Variants in IGFN1 observed in about 807,000 individuals in gnomAD.
The protein encoded by IGFN1 is immunoglobulin like and fibronectin type III domain containing 1.
A neutral mutation model predicts 289.5 loss-of-function variants in IGFN1; 253 were observed. The ratio of observed to expected loss-of-function variants is 0.87; its 90% CI spans 0.79 to 0.97. The LOEUF (loss-of-function observed/expected upper bound fraction) is 0.97. Among genes scored for constraint, IGFN1 ranks in the 50% least tolerant of loss-of-function variants. The pLI is 0.00. For synonymous variants in IGFN1, 1,706 were observed against 1,788.5 expected, an observed-to-expected ratio of 0.95 and a Z score of 1.16; for missense variants, 4,470 against 4,686.1, an observed-to-expected ratio of 0.95 and a Z score of 1.35.
chr1:201,206,469 G>C lies in IGFN1; in HGVS notation c.1576G>C (p.Gly526Arg). 6.4e-7 allele frequency: 1 copy of C among 1,551,288 alleles called. No homozygotes were observed. The highest frequency in any genetic ancestry group is 1.4e-5 in the African/African-American group (1 of 73,150). The change falls in exon 12 of 24, where the codon GGA (glycine) becomes CGA (arginine). Residue 526 changes from glycine (G) to arginine (R), a missense_variant. This residue lies in a region of IGFN1 where 2,011 missense variants were observed against 1,953.4 expected (regional missense o/e 1.03). Transcript: ENST00000335211. ...CCTTGCAGAGAGGCCCCATCTACAG[G>C]GAGAGAGCTCAGAATCAGGGTTGGG... ...RSLAERPHLQGESSESGLGLP... is the reference protein window; with the variant it reads ...RSLAERPHLQRESSESGLGLP...
Position 201,203,738 on chromosome 1 carries a change from G to A in IGFN1, c.748G>A (p.Asp250Asn), listed in dbSNP as rs780614796. 1 of 1,551,542 alleles carries A rather than the reference G, an allele frequency of 6.4e-7. No individual in the cohort carries two copies. Among genetic ancestry groups the A allele is most frequent in the South Asian group, 1.2e-5 (1 of 84,044 alleles). Residue 250 changes from aspartate to asparagine, a missense_variant and splice_region_variant, in exon 10 of 24, where the codon GAT becomes AAT. Physicochemically the swap from Asp to Asn is conservative, Grantham distance 23. Around this residue, in one of 8 missense-constraint regions of IGFN1, gnomAD observed 2,011 missense variants for 1,953.4 expected, o/e 1.03. Transcript: ENST00000335211. ...CCTCCTCTTCCTTTTCTGGCCTTAGGATGGTGAGATGATCCCCTATGGCTT... is the reference window on the plus strand; with the variant it reads ...CCTCCTCTTCCTTTTCTGGCCTTAGAATGGTGAGATGATCCCCTATGGCTT... ...DSQSKIYLYK[D>N]GEMIPYGFNN...
Position 201,211,021 on chromosome 1 carries a change from G to T in IGFN1, c.6128G>T (p.Arg2043Ile). The change falls in exon 12 of 24, where the codon AGA becomes ATA. Residue 2043 changes from arginine (R) to isoleucine (I), a missense_variant. Coordinates refer to ENST00000335211, the MANE Select transcript of IGFN1 (RefSeq NM_001164586.2). ...GYRKDLGAPE[R>I]IGSGSKAGFR... is the part of the protein sequence containing the mutation. ...AGGAAGGATTTGGGGGCTCCTGAGA[G>T]AATAGGTTCAGGAAGTAAGGCAGGT... 6.7e-7 allele frequency: 1 copy of T among 1,497,032 alleles called. No individual in the cohort carries two copies. Among genetic ancestry groups the T allele is most frequent in the Non-Finnish European group, 8.9e-7 (1 of 1,123,412 alleles). The allele number at this position is 1,497,032 out of a possible 1,614,324, so 92.7% of individuals were successfully genotyped here.
rs770772444 is a variant in IGFN1, at chr1:201,222,826, A to G, written c.10289A>G (p.Glu3430Gly). ...GDTVRVPVSFEAMPMPEVTWL... is the reference protein window; with the variant it reads ...GDTVRVPVSFGAMPMPEVTWL... ...ACAGTTCGTGTGCCCGTCTCCTTTG[A>G]AGTGAGTGTACCTGCAGGGGTGTGG... Residue 3430 changes from glutamate (E) to glycine (G), a missense_variant and splice_region_variant, in exon 20 of 24, where the codon GAA (glutamate) becomes GGA (glycine). Glu to Gly is a moderately conservative substitution (Grantham distance 98, BLOSUM62 -2). This residue lies in a region of IGFN1 where 2,218 missense variants were observed against 2,114.1 expected (regional missense o/e 1.05). Transcript: ENST00000335211. The G allele has an allele frequency of 1.2e-6, 2 of 1,610,426 alleles. No individual in the cohort carries two copies. Among genetic ancestry groups the G allele is most frequent in the South Asian group, 2.2e-5 (2 of 90,620 alleles).
chr1:201,208,099 G>A lies in IGFN1; in HGVS notation c.3206G>A (p.Gly1069Glu). ...TGCCAGGCAGGCATGGACCCTAGGGGAGGGCACCATTCAGATGGTGGCCTA... is the reference window on the plus strand; with the variant it reads ...TGCCAGGCAGGCATGGACCCTAGGGAAGGGCACCATTCAGATGGTGGCCTA... ...SACQAGMDPR[G>E]GHHSDGGLGS... The change falls in exon 12 of 24, where the codon GGA (glycine) becomes GAA (glutamate). Residue 1069 changes from glycine (G) to glutamate (E), a missense_variant. Gly to Glu is a moderately conservative substitution (Grantham distance 98). This residue lies in a region of IGFN1 where 2,011 missense variants were observed against 1,953.4 expected (regional missense o/e 1.03). Transcript: ENST00000335211. 6.5e-7 allele frequency: 1 copy of A among 1,536,976 alleles called. No individual in the cohort carries two copies. Among genetic ancestry groups the A allele is most frequent in the Non-Finnish European group, 8.7e-7 (1 of 1,146,836 alleles).
chr1:201,194,496 C>G (rs1378762382), intron 3 of IGFN1, among the ~76,000 whole-genome samples: 1 of 152,134 alleles, frequency 6.6e-6, no homozygotes. Flanking sequence ...TGAAGAGACA[C>G]CATGCTATTC....
At chr1:201,191,656 C>T (rs1666663103) in intron 1 of IGFN1, among the ~76,000 whole-genome samples, 1 of 152,172 alleles carries the variant, frequency 6.6e-6, no homozygotes, top group African/African-American at 2.4e-5. Context: ...TGACTTTGTA[C>T]CAAATCTGGC....
At position 201,206,169 on chromosome 1, in the gene IGFN1, G is replaced by T. The variant is rs1667408099; in HGVS notation, c.1276G>T (p.Gly426Trp). Residue 426 changes from glycine to tryptophan, a missense_variant, in exon 12 of 24, where the codon GGG becomes TGG. Physicochemically the swap from Gly to Trp is radical, Grantham distance 184. Transcript: ENST00000335211. The part of the protein sequence containing the change: ...GAQASGAEES[G>W]SIESQGEKSR... The stretch of plus-strand genomic sequence containing the variant: ...CCAGGCATCAGGAGCAGAAGAGTCT[G>T]GGAGCATCGAGAGCCAGGGAGAGAA... 6.4e-7 allele frequency: 1 copy of T among 1,550,712 alleles called. No individual in the cohort carries two copies. Among genetic ancestry groups the T allele is most frequent in the South Asian group, 1.2e-5 (1 of 84,036 alleles).
chr1:201,203,267 C>T (rs1168337456), intron 9 of IGFN1, among the ~76,000 whole-genome samples: 6 of 152,164 alleles, frequency 3.9e-5, no homozygotes, highest in Non-Finnish European at 8.8e-5. Context: ...CTATCTAGGG[C>T]TTAGTTAAAG....
rs539979329 is a variant in IGFN1, at chr1:201,213,053, G to A, written c.8160G>A (p.Glu2720=). ...TCCTGGGCAAGGGGAATTCTACTGA[G>A]TGGGGGAATGCCCTCACCCCAAAAC... ...SGILGKGNST[E]WGNALTPKPG... The change falls in exon 12 of 24, where the codon GAG becomes GAA. Residue 2720 remains glutamate (E), a synonymous_variant. Coordinates refer to ENST00000335211, the MANE Select transcript of IGFN1 (RefSeq NM_001164586.2). 1.2e-5 allele frequency: 18 copies of A among 1,551,616 alleles called. No individual in the cohort carries two copies. Among genetic ancestry groups the A allele is most frequent in the Middle Eastern group, 3.3e-4 (2 of 5,990 alleles).
rs774472858 is a variant in IGFN1, at chr1:201,217,475, G to T, written c.9769+15G>T. The T allele has an allele frequency of 1.2e-6, 2 of 1,613,418 alleles. No homozygotes were observed. The highest frequency in any genetic ancestry group is 2.7e-5 in the African/African-American group (2 of 74,912). ...GCCGGTGCCTGGTGAGCATTGTCCTGGCTTCCAGAGCTTCCTTAGACCCCT... is the reference window on the plus strand; with the variant it reads ...GCCGGTGCCTGGTGAGCATTGTCCTTGCTTCCAGAGCTTCCTTAGACCCCT... On this transcript the variant is annotated intron_variant, in intron 17 of 23. Transcript: ENST00000335211.
chr1:201,218,423 G>A, intron 17 of IGFN1, 107 bp from the exon 18 acceptor site: 1 of 1,048,782 alleles, frequency 9.5e-7, no homozygotes, highest in South Asian at 1.5e-5. Context: ...AGGGAGGGAT[G>A]TGTTAGGACC....
chr1:201,197,383 C>T, intron 5 of IGFN1, 66 bp downstream of exon 5: 1 of 1,008,164 alleles, frequency 9.9e-7, no homozygotes, highest in Non-Finnish European at 1.5e-6. Flanking sequence ...AATCAGATGC[C>T]CCGTGGCTAG....
chr1:201,221,816 C>T lies in IGFN1; in HGVS notation c.10201+70C>T, dbSNP rs555962446. 4,030 of 1,339,912 alleles carry T rather than the reference C, an allele frequency of 3.0e-3. 10 individuals are homozygous for T. Among genetic ancestry groups the T allele is most frequent in the African/African-American group, 0.012 (799 of 68,270 alleles). 83.0% of individuals were successfully genotyped at this position (1,339,912 alleles called of 1,614,324 possible). ...TCCTAAGAGGGGGCCCCTGAGTAGC[C>T]GCAATGCACTTACTAAGCCAGGATC... On this transcript the variant is annotated intron_variant, in intron 19 of 23. Coordinates refer to ENST00000335211, the MANE Select transcript of IGFN1 (RefSeq NM_001164586.2).
chr1:201,201,092 A>G (rs1667131895), intron 8 of IGFN1, among the ~76,000 whole-genome samples: 1 of 151,988 alleles, frequency 6.6e-6, no homozygotes. Flanking sequence ...CGGCCTCCCA[A>G]AGTGCTGGGA....
intron 20 of IGFN1, 106 bp from the exon 21 acceptor site, chr1:201,224,573 A>G: frequency 1.2e-6 from 1 of 859,938 alleles, no homozygotes; most frequent in Non-Finnish European, 1.8e-6. Context: ...TTCTCCTTGT[A>G]GAAGACTCTT....
At position 201,213,258 on chromosome 1, in the gene IGFN1, C is replaced by T. The variant is rs201322339; in HGVS notation, c.8365C>T (p.Gln2789Ter). 742 of 1,552,508 alleles carry T rather than the reference C, an allele frequency of 4.8e-4. 8 individuals are homozygous for T. Among genetic ancestry groups the T allele is most frequent in the Middle Eastern group, 4.4e-3 (26 of 5,974 alleles). Residue 2789 changes from glutamine (Q) to a stop codon, truncating the protein, a stop_gained, in exon 12 of 24, where the codon CAG becomes TAG. Transcript: ENST00000335211. LOFTEE classifies it high-confidence loss of function. The part of the protein sequence containing the change: ...GSLEAENGEV[Q>*]GPGALKEDEG... ...CCTGGAGGCTGAGAATGGTGAGGTC[C>T]AGGGTCCTGGGGCCCTAAAGGAGGA...
chr1:201,216,436 C>T lies in IGFN1; in HGVS notation c.9296-18C>T, dbSNP rs773929146. ...CCTCTGACCCCTCCTCTTCCCGCTC[C>T]TCTCTGTGGGTCCCCAGACAAGCCT... On this transcript the variant is annotated intron_variant, in intron 15 of 23. Coordinates refer to ENST00000335211, the MANE Select transcript of IGFN1 (RefSeq NM_001164586.2). 4 of 1,527,368 alleles carry T rather than the reference C, an allele frequency of 2.6e-6. No individual in the cohort carries two copies. Among genetic ancestry groups the T allele is most frequent in the Non-Finnish European group, 3.5e-6 (4 of 1,142,832 alleles). 94.6% of individuals were successfully genotyped at this position (1,527,368 alleles called of 1,614,324 possible).
chr1:201,222,031 T>C, intron 19 of IGFN1: 1 of 277,130 alleles, frequency 3.6e-6, no homozygotes, highest in East Asian at 6.9e-5. Flanking sequence ...TTGTCACTAA[T>C]GGTATGTGGT....
At position 201,228,560 on chromosome 1, in the gene IGFN1, T is replaced by TC. The variant is rs565569888; in HGVS notation, c.*163dup. 2.7e-6 allele frequency: 2 copies of TC among 740,160 alleles called. No homozygotes were observed. The highest frequency in any genetic ancestry group is 3.2e-5 in the South Asian group (2 of 62,804). 45.8% of individuals were successfully genotyped at this position (740,160 alleles called of 1,614,324 possible). On this transcript the variant is annotated 3_prime_UTR_variant, in exon 24 of 24. Coordinates refer to ENST00000335211, the MANE Select transcript of IGFN1 (RefSeq NM_001164586.2). ...AGGTTTTGGCCAGGAGGACGTGAAG[T>TC]CCTTGGGGAAGAAAAACAAGGGAGG...
Sources: gnomAD v4.1 joint callset for allele counts (sites outside exome capture counted in the v4.1 genomes callset) on GRCh38, gnomAD v4.1.1 for gene constraint, gnomAD v4.1.1 regional missense constraint, MANE v1.5 for transcripts, NCBI Gene and HGNC (gene_info 2026-07-23, HGNC 2026-07-21) for gene names.